Variants in FGF13 observed in about 807,000 individuals in gnomAD.
FGF13 encodes fibroblast growth factor 13.
FGF13 carries 2 observed loss-of-function variants against 19.5 expected under a neutral mutation model. The ratio of observed to expected loss-of-function variants is 0.10; its 90% CI spans 0.04 to 0.32. FGF13 has a LOEUF of 0.32. Among genes scored for constraint, FGF13 ranks in the 10% least tolerant of loss-of-function variants. The probability of loss-of-function intolerance (pLI) is 1.00; values close to 1 mark genes in which losing one functional copy is unlikely to be tolerated. For missense variants in FGF13, 113 were observed against 192.7 expected (o/e 0.59, Z 2.45); for synonymous variants, 72 against 76.9 (o/e 0.94, Z 0.33).
intron 1 of FGF13, among the ~76,000 whole-genome samples, chrX:138,943,287 A>G (rs749405467): frequency 3.6e-5 from 4 of 111,836 alleles, no homozygotes; most frequent in Non-Finnish European, 7.5e-5. Context: ...CCAGTGTCCA[A>G]TGTGTAGTAA....
intron 1 of FGF13, among the ~76,000 whole-genome samples, chrX:138,724,325 T>G (rs2090169734): frequency 8.9e-6 from 1 of 111,784 alleles, no homozygotes; most frequent in Admixed American, 9.5e-5. Flanking sequence ...ACCAATCAGA[T>G]GTTGTGGAAG....
intron 1 of FGF13, among the ~76,000 whole-genome samples, chrX:138,735,209 A>G (rs2090263928): frequency 8.9e-6 from 1 of 112,314 alleles, no homozygotes; most frequent in East Asian, 2.8e-4. Flanking sequence ...AATGAATACT[A>G]CAAAGAACAC....
intron 1 of FGF13, among the ~76,000 whole-genome samples, chrX:138,874,457 G>C (rs763834287): frequency 2.7e-5 from 3 of 110,776 alleles, no homozygotes; most frequent in Non-Finnish European, 5.7e-5. Flanking sequence ...ACGGCTTTTT[G>C]TAACACCTGT....
intron 1 of FGF13, among the ~76,000 whole-genome samples, chrX:138,979,974 G>A (rs2091956748): frequency 8.9e-6 from 1 of 111,742 alleles, no homozygotes; most frequent in African/African-American, 3.3e-5. Flanking sequence ...TAAACTGAAT[G>A]AGTTAATTGA....
At chrX:138,856,390 G>A (rs760408418), downstream of FGF13, among the ~76,000 whole-genome samples, 1 of 111,515 alleles carries the variant, frequency 9.0e-6, no homozygotes, top group African/African-American at 3.3e-5. Context: ...CCAAAACTAC[G>A]GACTAGAGTG....
chrX:138,742,062 A>G (rs981076311), upstream of FGF13, among the ~76,000 whole-genome samples: 13 of 111,636 alleles, frequency 1.2e-4, no homozygotes, highest in South Asian at 3.8e-4. Context: ...AACCTTCTCT[A>G]GAAAGAATTT....
intron 1 of FGF13, among the ~76,000 whole-genome samples, chrX:139,027,943 C>T (rs1468195372): frequency 9.0e-6 from 1 of 111,411 alleles, no homozygotes; most frequent in Non-Finnish European, 1.9e-5. Flanking sequence ...TTATTTTTGG[C>T]AAATCATTTC....
intron 3 of FGF13, among the ~76,000 whole-genome samples, chrX:138,823,278 C>T (rs1434880292): frequency 9.0e-6 from 1 of 111,173 alleles, no homozygotes; most frequent in Non-Finnish European, 1.9e-5. Context: ...AGAGAGACTC[C>T]AGCCCGCCTG....
At chrX:139,144,444 A>C (rs1238312534) in intron 1 of FGF13, among the ~76,000 whole-genome samples, 4 of 111,356 alleles carry the variant, frequency 3.6e-5, no homozygotes, top group African/African-American at 1.3e-4. Context: ...TCCTGTCCTG[A>C]TTATTCCTCA....
At chrX:139,106,506 T>A (rs1478307132) in intron 1 of FGF13, among the ~76,000 whole-genome samples, 2 of 112,360 alleles carry the variant, frequency 1.8e-5, no homozygotes, top group Admixed American at 1.9e-4. Context: ...CCTGCATTTA[T>A]AAATTTTTAG....
At chrX:139,128,968 AC>A (rs2083738819) in intron 1 of FGF13, among the ~76,000 whole-genome samples, 1 of 110,017 alleles carries the variant, frequency 9.1e-6, no homozygotes, top group African/African-American at 3.3e-5. Context: ...GCATAGCAAC[AC>A]TATAATCAGT....
chrX:139,041,778 T>C (rs2092270770), intron 1 of FGF13, among the ~76,000 whole-genome samples: 1 of 112,027 alleles, frequency 8.9e-6, no homozygotes, highest in African/African-American at 3.3e-5. Flanking sequence ...CCAACTTGAA[T>C]TTAATTTAAT....
intron 1 of FGF13, among the ~76,000 whole-genome samples, chrX:138,893,063 C>CA (rs1297669350): frequency 1.8e-5 from 2 of 110,730 alleles, no homozygotes; most frequent in Non-Finnish European, 3.8e-5. Context: ...CGAGGCAGCT[C>CA]AAAAAATCCA....
rs748573926 is a variant in FGF13, at chrX:138,630,077, TATC to T, written c.*2770_*2772del. On this transcript the variant is annotated 3_prime_UTR_variant, in exon 5 of 5. Transcript: ENST00000315930. Reference sequence around the variant, plus strand: ...TAATGAAGATGTGTGAAAGTATTGATATCATCACTTGTAGGAAGGTTTGAGGAC... The same window carrying T: ...TAATGAAGATGTGTGAAAGTATTGATATCACTTGTAGGAAGGTTTGAGGAC... The T allele has an allele frequency of 1.3e-4, 14 of 111,056 alleles. No individual in the cohort carries two copies. The highest frequency in any genetic ancestry group is 8.7e-4 in the Admixed American group (9 of 10,356). 9.2% of individuals were successfully genotyped at this position (111,056 alleles called of 1,213,427 possible).
At chrX:138,945,472 C>T (rs1484558447) in intron 1 of FGF13, among the ~76,000 whole-genome samples, 1 of 111,366 alleles carries the variant, frequency 9.0e-6, no homozygotes, top group Non-Finnish European at 1.9e-5. Context: ...CTGGTTAGTT[C>T]GGCACTCCTG....
chrX:138,797,110 TTAGTCATG>T (rs2123992137), intron 3 of FGF13, among the ~76,000 whole-genome samples: 1 of 112,116 alleles, frequency 8.9e-6, no homozygotes, highest in Admixed American at 9.5e-5. Context: ...TTTTGATGTT[TTAGTCATG>T]AAGTCTTTGC....
chrX:139,108,614 T>G (rs962112939), intron 1 of FGF13, among the ~76,000 whole-genome samples: 3 of 111,629 alleles, frequency 2.7e-5, no homozygotes, highest in Non-Finnish European at 5.6e-5. Flanking sequence ...CCCTCTAGTG[T>G]GTATTCGAAG....
intron 1 of FGF13, among the ~76,000 whole-genome samples, chrX:138,899,730 A>G (rs2091522306): frequency 9.0e-6 from 1 of 111,407 alleles, no homozygotes; most frequent in Non-Finnish European, 1.9e-5. Flanking sequence ...GATTTCTCCA[A>G]AAAAGAACCT....
intron 3 of FGF13, among the ~76,000 whole-genome samples, chrX:138,778,741 G>A (rs1021470044): frequency 1.8e-5 from 2 of 112,568 alleles, no homozygotes. Context: ...GGCTGGGGGA[G>A]GGGCGCCCGC....
Sources: gnomAD v4.1 joint callset for allele counts (sites outside exome capture counted in the v4.1 genomes callset) on GRCh38, gnomAD v4.1.1 for gene constraint, MANE v1.5 for transcripts, NCBI Gene and HGNC (gene_info 2026-07-23, HGNC 2026-07-21) for gene names.